The following LOXHD1 variants were observed in gnomAD, a reference collection of about 807,000 sequenced individuals.
LOXHD1 encodes lipoxygenase homology PLAT domains 1.
LOXHD1 carries 205 observed loss-of-function variants against 248.2 expected under a neutral mutation model. The observed-to-expected ratio is 0.83, with a 90% CI of 0.74 to 0.93. LOXHD1 has a LOEUF of 0.93. Ranked by LOEUF, LOXHD1 falls within the 40% of genes least tolerant of loss-of-function variation. LOXHD1 has a pLI of 0.00. For missense variants in LOXHD1, 2,930 were observed against 2,971.6 expected (o/e 0.99, Z 0.33); for synonymous variants, 1,113 against 1,162.8 (o/e 0.96, Z 0.87).
rs1290006681 is a variant in LOXHD1, at chr18:46,601,243, C to T, written c.1108G>A (p.Val370Ile). ...RVSVGHGNVG[V>I]NRGWFCEKVV... Reference sequence around the variant, plus strand: ...TTCTCACAGAACCAGCCTCTGTTGACACCCACATTGCCATGCCCGACGGAG... The same window carrying T: ...TTCTCACAGAACCAGCCTCTGTTGATACCCACATTGCCATGCCCGACGGAG... Residue 370 changes from valine to isoleucine, a missense_variant, in exon 8 of 41, where the codon GTC (valine) becomes ATC (isoleucine). Coordinates refer to ENST00000642948, the MANE Select transcript of LOXHD1 (RefSeq NM_001384474.1). 1.9e-6 allele frequency: 3 copies of T among 1,551,540 alleles called. No homozygotes were observed. The highest frequency in any genetic ancestry group is 1.2e-5 in the South Asian group (1 of 84,068).
intron 24 of LOXHD1, 137 bp from the exon 25 acceptor site, chr18:46,542,077 CAT>C: frequency 1.2e-6 from 1 of 807,286 alleles, no homozygotes; most frequent in Non-Finnish European, 1.9e-6. Context: ...TTGCTTGCAG[CAT>C]TGCTAAAGTG....
At chr18:46,481,985 G>A (rs1194950723) in intron 40 of LOXHD1, among the ~76,000 whole-genome samples, 1 of 152,204 alleles carries the variant, frequency 6.6e-6, no homozygotes, top group Admixed American at 6.5e-5. Context: ...AGCAGACACA[G>A]TCCTTGTGGA....
In LOXHD1 at chr18:46,533,223, C is replaced by A. The variant is rs1446622324; in HGVS notation, c.4314G>T (p.Glu1438Asp). The change falls in exon 28 of 41, where the codon GAG (glutamate) becomes GAT (aspartate). Residue 1438 changes from glutamate (E) to aspartate (D), a missense_variant. Coordinates refer to ENST00000642948, the MANE Select transcript of LOXHD1 (RefSeq NM_001384474.1). ...RELVPYDIFT[E>D]KYMKDGSLRQ... Reference sequence around the variant, plus strand: ...GTAAGGACCCATCTTTCATGTATTTCTCAGTGAAGATGTCATATGGAACCA... The same window carrying A: ...GTAAGGACCCATCTTTCATGTATTTATCAGTGAAGATGTCATATGGAACCA... The A allele has an allele frequency of 6.4e-7, 1 of 1,551,736 alleles. No homozygotes were observed. Among genetic ancestry groups the A allele is most frequent in the Non-Finnish European group, 8.7e-7 (1 of 1,147,006 alleles).
In LOXHD1 at chr18:46,477,945, A is replaced by G. The variant is rs1480356451; in HGVS notation, c.6349T>C (p.Phe2117Leu). 1.3e-6 allele frequency: 2 copies of G among 1,547,684 alleles called. No homozygotes were observed. The highest frequency in any genetic ancestry group is 2.4e-5 in the East Asian group (1 of 40,822). Residue 2117 changes from phenylalanine to leucine, a missense_variant, in exon 41 of 41, where the codon TTT (phenylalanine) becomes CTT (leucine). Coordinates refer to ENST00000642948, the MANE Select transcript of LOXHD1 (RefSeq NM_001384474.1). ...TEMEYGNVYF[F>L]NCDCLIPLKR... ...AGGGGGATGAGGCAGTCACAGTTAA[A>G]GAAGTACCTGGCAGAGAGGTGGGAG... is the stretch of plus-strand genomic sequence containing the variant.
chr18:46,476,985 G>C, downstream of LOXHD1: 1 of 580,416 alleles, frequency 1.7e-6, no homozygotes, highest in Non-Finnish European at 3.1e-6. Context: ...ACTTGCCACT[G>C]GGTTTATTGA....
intron 21 of LOXHD1, among the ~76,000 whole-genome samples, chr18:46,556,204 A>G (rs11662868): frequency 0.17 from 25,676 of 151,932 alleles, 2,532 homozygotes; most frequent in Non-Finnish European, 0.23. Flanking sequence ...CTGTTGTTCC[A>G]GAGACCAAAT....
chr18:46,642,072 G>A (rs1031529578), intron 2 of LOXHD1, 36 bp from the exon 3 acceptor site: 18 of 1,540,242 alleles, frequency 1.2e-5, no homozygotes, highest in Middle Eastern at 1.7e-4. Flanking sequence ...CAGATCAGCT[G>A]TTGGCTCACA....
At chr18:46,526,398 C>T (rs566164392) in intron 29 of LOXHD1, among the ~76,000 whole-genome samples, 43 of 152,296 alleles carry the variant, frequency 2.8e-4, no homozygotes, top group African/African-American at 7.0e-4. Context: ...CAGCCATGCA[C>T]GCCAAGGGCA....
intron 27 of LOXHD1, 62 bp downstream of exon 27, chr18:46,534,273 G>T: frequency 3.3e-6 from 4 of 1,196,008 alleles, no homozygotes; most frequent in Non-Finnish European, 4.8e-6. Flanking sequence ...CAGGGAATTT[G>T]CCTTGAACCT....
Position 46,579,654 on chromosome 18 carries a change from G to T in LOXHD1, c.1785C>A (p.Asn595Lys). Residue 595 changes from asparagine to lysine, a missense_variant, in exon 13 of 41, where the codon AAC becomes AAA. Asn to Lys is a moderately conservative substitution (Grantham distance 94). Transcript: ENST00000642948. ...CATTGCCCTTTTCAAACAGGTCTGT[G>T]TTATTCCTGCAGTTGTAGAGCAGCC... ...GERLLYNCRN[N>K]TDLFEKGNAD... 1 of 1,551,698 alleles carries T rather than the reference G, an allele frequency of 6.4e-7. No homozygotes were observed. Among genetic ancestry groups the T allele is most frequent in the Non-Finnish European group, 8.7e-7 (1 of 1,146,990 alleles).
chr18:46,516,656 T>A (rs747565929), intron 34 of LOXHD1, among the ~76,000 whole-genome samples: 2 of 152,022 alleles, frequency 1.3e-5, no homozygotes, highest in Non-Finnish European at 2.9e-5. Context: ...ATAATCATCA[T>A]CATCATCACC....
chr18:46,524,321 G>T, intron 31 of LOXHD1, 145 bp downstream of exon 31: 1 of 1,228,824 alleles, frequency 8.1e-7, no homozygotes. Context: ...GATAAAACAG[G>T]TAATATGTGT....
chr18:46,583,842 T>C (rs1175552533), intron 12 of LOXHD1, among the ~76,000 whole-genome samples: 4 of 56,066 alleles, frequency 7.1e-5, no homozygotes, highest in African/African-American at 1.9e-4. Context: ...ACTGGGTATA[T>C]ATCCAAAAAA....
chr18:46,542,989 A>G, intron 23 of LOXHD1, 134 bp from the exon 24 acceptor site: 1 of 1,245,354 alleles, frequency 8.0e-7, no homozygotes, highest in Non-Finnish European at 1.1e-6. Flanking sequence ...TGCAATTATC[A>G]TCCATTGGCC....
At position 46,507,469 on chromosome 18, in the gene LOXHD1, A is replaced by G. The variant is rs1406115049; in HGVS notation, c.5692+69T>C. 3 of 1,531,602 alleles carry G rather than the reference A, an allele frequency of 2.0e-6. No homozygotes were observed. In the African/African-American group the frequency reaches 4.1e-5, roughly 21 times the overall value. 94.9% of individuals were successfully genotyped at this position (1,531,602 alleles called of 1,614,324 possible). Reference sequence around the variant, plus strand: ...AAGAAAAATGCCCTGACCAGAAACAAGGGCCTGAGCCCGAATTTGACGGTT... The same window carrying G: ...AAGAAAAATGCCCTGACCAGAAACAGGGGCCTGAGCCCGAATTTGACGGTT... On this transcript the variant is annotated intron_variant, in intron 36 of 40. Coordinates refer to ENST00000642948, the MANE Select transcript of LOXHD1 (RefSeq NM_001384474.1).
At chr18:46,498,099 C>T (rs913446671) in intron 37 of LOXHD1, among the ~76,000 whole-genome samples, 1 of 152,188 alleles carries the variant, frequency 6.6e-6, no homozygotes, top group Non-Finnish European at 1.5e-5. Flanking sequence ...AAACTAATTT[C>T]AGGGCTGTGG....
At chr18:46,606,684 T>C (rs2038418543) in intron 6 of LOXHD1, among the ~76,000 whole-genome samples, 1 of 152,178 alleles carries the variant, frequency 6.6e-6, no homozygotes, top group African/African-American at 2.4e-5. Context: ...ACACTTCTGG[T>C]CCCAAGCATT....
At chr18:46,647,607 C>T (rs1380368850) in intron 2 of LOXHD1, among the ~76,000 whole-genome samples, 2 of 152,130 alleles carry the variant, frequency 1.3e-5, no homozygotes, top group Non-Finnish European at 1.5e-5. Flanking sequence ...CATCATCGGA[C>T]GGAAAGACTT....
chr18:46,566,486 G>A (rs1304659616), intron 16 of LOXHD1, 37 bp from the exon 17 acceptor site: 1 of 1,531,264 alleles, frequency 6.5e-7, no homozygotes, highest in East Asian at 2.5e-5. Context: ...CAAGGAGCCA[G>A]TGTGTAGAAA....
Sources: gnomAD v4.1 joint callset for allele counts (sites outside exome capture counted in the v4.1 genomes callset) on GRCh38, gnomAD v4.1.1 for gene constraint, MANE v1.5 for transcripts, NCBI Gene and HGNC (gene_info 2026-07-23, HGNC 2026-07-21) for gene names.